Variants in UBTD1 observed in about 807,000 individuals in gnomAD.
UBTD1 encodes the protein ubiquitin domain containing 1, also known as ubiquitin domain-containing protein 1.
In UBTD1, 19 loss-of-function variants were observed where a neutral mutation model predicts 21.7. The observed-to-expected ratio is 0.87, with a 90% CI of 0.61 to 1.28. The LOEUF (loss-of-function observed/expected upper bound fraction) is 1.28, where lower values mean the gene tolerates loss of function less well. Ranked by LOEUF, UBTD1 falls within the 50% of genes most tolerant of loss-of-function variation. The probability of loss-of-function intolerance (pLI) is 0.00; values close to 1 mark genes in which losing one functional copy is unlikely to be tolerated. For missense variants in UBTD1, 282 were observed against 315.1 expected, an observed-to-expected ratio of 0.89 and a Z score of 0.80; for synonymous variants, 116 against 135.1, an observed-to-expected ratio of 0.86 and a Z score of 0.98.
chr10:97,532,076 G>T (rs1023586473), intron 1 of UBTD1, among the ~76,000 whole-genome samples: 1 of 152,194 alleles, frequency 6.6e-6, no homozygotes, highest in Non-Finnish European at 1.5e-5. Flanking sequence ...GGGACAGCCA[G>T]GTGGGACACT....
chr10:97,539,445 A>G (rs1416130188), intron 1 of UBTD1, among the ~76,000 whole-genome samples: 1 of 152,062 alleles, frequency 6.6e-6, no homozygotes, highest in African/African-American at 2.4e-5. Context: ...AAATTTAAAA[A>G]TTAGCTGGGT....
chr10:97,504,809 A>C (rs1261429373), intron 1 of UBTD1, among the ~76,000 whole-genome samples: 2 of 152,238 alleles, frequency 1.3e-5, no homozygotes, highest in African/African-American at 4.8e-5. Flanking sequence ...GAAGGGACTT[A>C]AACTGCAACC....
intron 1 of UBTD1, among the ~76,000 whole-genome samples, chr10:97,507,502 C>T (rs775316622): frequency 2.0e-4 from 31 of 151,270 alleles, no homozygotes; most frequent in Non-Finnish European, 4.1e-4. Context: ...GGCCTGGGCA[C>T]GGTGGCTCAT....
At chr10:97,505,176 T>A (rs1299657320) in intron 1 of UBTD1, among the ~76,000 whole-genome samples, 1 of 152,192 alleles carries the variant, frequency 6.6e-6, no homozygotes, top group Non-Finnish European at 1.5e-5. Flanking sequence ...TGCTGGAGAA[T>A]TTTTAGAATC....
chr10:97,567,263 G>A (rs940763763), intron 1 of UBTD1, among the ~76,000 whole-genome samples: 1 of 151,450 alleles, frequency 6.6e-6, no homozygotes, highest in African/African-American at 2.4e-5. Context: ...TGTAGAAACA[G>A]GGTTTTACCA....
chr10:97,564,467 G>A (rs1001025983), intron 1 of UBTD1, among the ~76,000 whole-genome samples: 3 of 152,174 alleles, frequency 2.0e-5, no homozygotes, highest in African/African-American at 7.2e-5. Flanking sequence ...CCTGTTAAAG[G>A]TCTGAATAGG....
intron 1 of UBTD1, among the ~76,000 whole-genome samples, chr10:97,536,629 G>A (rs2040563189): frequency 6.6e-6 from 1 of 152,126 alleles, no homozygotes; most frequent in Non-Finnish European, 1.5e-5. Context: ...GAAGGGTCTG[G>A]GCCAACTCAT....
chr10:97,544,291 CA>C (rs35919777), intron 1 of UBTD1, among the ~76,000 whole-genome samples: 5,104 of 139,062 alleles, frequency 0.037, 198 homozygotes, highest in African/African-American at 0.098. Flanking sequence ...AACTCTGTCT[CA>C]AAAAAAAAAA....
chr10:97,547,128 C>T (rs2040614836), intron 1 of UBTD1, among the ~76,000 whole-genome samples: 1 of 152,216 alleles, frequency 6.6e-6, no homozygotes, highest in African/African-American at 2.4e-5. Flanking sequence ...CAGTTGACAC[C>T]CAGTGGGACA....
intron 1 of UBTD1, among the ~76,000 whole-genome samples, chr10:97,537,259 C>T (rs2040567221): frequency 6.6e-6 from 1 of 152,176 alleles, no homozygotes; most frequent in African/African-American, 2.4e-5. Context: ...CCCTGGTAAT[C>T]ATCACCCTTT....
chr10:97,499,261 C>T lies in UBTD1; in HGVS notation c.58C>T (p.Arg20Cys). Reference protein sequence around the residue: ...RERPAAPGHPRKRAGRNEPLK... With the variant: ...RERPAAPGHPCKRAGRNEPLK... Reference sequence around the variant, plus strand: ...GAGGCCGGCAGCCCCGGGACACCCCCGCAAGCGAGCAGGTAACGATGGGGA... The same window carrying T: ...GAGGCCGGCAGCCCCGGGACACCCCTGCAAGCGAGCAGGTAACGATGGGGA... Residue 20 changes from arginine (R) to cysteine (C), a missense_variant, in exon 1 of 3, where the codon CGC becomes TGC. Coordinates refer to ENST00000370664, the MANE Select transcript of UBTD1 (RefSeq NM_024954.5). 1 of 1,548,640 alleles carries T rather than the reference C, an allele frequency of 6.5e-7. No individual in the cohort carries two copies. The highest frequency in any genetic ancestry group is 8.7e-7 in the Non-Finnish European group (1 of 1,145,818).
At chr10:97,557,807 A>G (rs2040671738) in intron 1 of UBTD1, among the ~76,000 whole-genome samples, 1 of 152,186 alleles carries the variant, frequency 6.6e-6, no homozygotes, top group African/African-American at 2.4e-5. Flanking sequence ...CCTGGGCTAC[A>G]TACCTTGGAT....
intron 1 of UBTD1, among the ~76,000 whole-genome samples, chr10:97,502,681 GT>G (rs950926464): frequency 6.6e-6 from 1 of 152,044 alleles, no homozygotes; most frequent in African/African-American, 2.4e-5. Context: ...GGCTTGTAAT[GT>G]CACCCTTTGT....
intron 1 of UBTD1, among the ~76,000 whole-genome samples, chr10:97,556,773 T>C (rs761338533): frequency 6.6e-6 from 1 of 152,226 alleles, no homozygotes; most frequent in Non-Finnish European, 1.5e-5. Flanking sequence ...TGTGTCCACA[T>C]ATCCAGTATA....
intron 1 of UBTD1, among the ~76,000 whole-genome samples, chr10:97,529,095 G>A (rs2040511514): frequency 6.6e-6 from 1 of 151,312 alleles, no homozygotes; most frequent in South Asian, 2.1e-4. Context: ...CAGGGTCGCG[G>A]CCGGCCGAGG....
chr10:97,507,031 G>A (rs929650742), intron 1 of UBTD1, among the ~76,000 whole-genome samples: 2 of 152,158 alleles, frequency 1.3e-5, no homozygotes, highest in Admixed American at 1.3e-4. Context: ...GTTATTTTGT[G>A]TATATACCCA....
At chr10:97,507,047 G>A (rs1407722322) in intron 1 of UBTD1, among the ~76,000 whole-genome samples, 2 of 152,154 alleles carry the variant, frequency 1.3e-5, no homozygotes, top group Non-Finnish European at 2.9e-5. Context: ...ACCCAGAGGT[G>A]GAATTTCTGG....
chr10:97,531,027 A>G (rs1340624706), intron 1 of UBTD1, among the ~76,000 whole-genome samples: 1 of 151,548 alleles, frequency 6.6e-6, no homozygotes, highest in Non-Finnish European at 1.5e-5. Context: ...AGCTGGGACT[A>G]CAGGTGCCCG....
At chr10:97,559,633 T>A (rs920751469) in intron 1 of UBTD1, among the ~76,000 whole-genome samples, 2 of 152,196 alleles carry the variant, frequency 1.3e-5, no homozygotes, top group African/African-American at 4.8e-5. Context: ...AATAAAACCT[T>A]GTAGACATAT....
Sources: allele counts gnomAD v4.1 joint callset (sites outside exome capture counted in the v4.1 genomes callset), GRCh38; gene constraint gnomAD v4.1.1; transcripts MANE v1.5; gene names NCBI Gene and HGNC (gene_info 2026-07-23, HGNC 2026-07-21).